Variants in RALYL observed in about 807,000 individuals in gnomAD.
RALYL encodes RNA-binding Raly-like protein.
RALYL carries 29 observed loss-of-function variants against 35.1 expected under a neutral mutation model. The observed-to-expected ratio is 0.83, with a 90% confidence interval of 0.61 to 1.13. The LOEUF is 1.13. Among genes scored for constraint, RALYL ranks in the 50% most tolerant of loss-of-function variants. The probability of loss-of-function intolerance (pLI) is 0.00; values close to 1 mark genes in which losing one functional copy is unlikely to be tolerated. For synonymous variants in RALYL, 120 were observed against 127.6 expected (o/e 0.94, Z 0.40); for missense variants, 359 against 360.4 (o/e 1.00, Z 0.03).
In RALYL at chr8:84,410,726, C is replaced by T. The variant is rs192705028; in HGVS notation, c.-23-118573C>T. Among the ~76,000 whole-genome samples, 273 of 151,594 alleles carry T rather than the reference C, an allele frequency of 1.8e-3. 1 individual carries two copies. Among genetic ancestry groups the T allele is most frequent in the Middle Eastern group, 4.0e-3 (1 of 248 alleles). ...AAATAAAACAAAAAAAGATTTAATACGAAACATTTTCTATGTTTGATAAAG... is the reference window on the plus strand; with the variant it reads ...AAATAAAACAAAAAAAGATTTAATATGAAACATTTTCTATGTTTGATAAAG... On this transcript the variant is annotated intron_variant, in intron 1 of 8. Transcript: ENST00000521268.
At chr8:84,910,873 C>A (rs1847401610) in intron 8 of RALYL, among the ~76,000 whole-genome samples, 1 of 151,578 alleles carries the variant, frequency 6.6e-6, no homozygotes. Context: ...AGATAAGGCC[C>A]AATTATTCTA....
intron 4 of RALYL, among the ~76,000 whole-genome samples, chr8:84,837,158 C>G (rs2134488278): frequency 6.6e-6 from 1 of 152,282 alleles, no homozygotes; most frequent in South Asian, 2.1e-4. Flanking sequence ...ATTCAGTTAT[C>G]AAATTCTGCC....
chr8:84,391,302 C>T (rs7819778), intron 1 of RALYL, among the ~76,000 whole-genome samples: 4,520 of 152,018 alleles, frequency 0.03, 211 homozygotes, highest in African/African-American at 0.1. Context: ...TTTAGAATCC[C>T]TTCTGTTAAC....
At chr8:84,915,633 A>G (rs1304564896) in intron 8 of RALYL, among the ~76,000 whole-genome samples, 2 of 152,090 alleles carry the variant, frequency 1.3e-5, no homozygotes, top group Non-Finnish European at 2.9e-5. Flanking sequence ...GATTACTGTA[A>G]AAGACACTGC....
intron 1 of RALYL, among the ~76,000 whole-genome samples, chr8:84,477,343 C>T (rs894500546): frequency 6.8e-6 from 1 of 147,830 alleles, no homozygotes; most frequent in African/African-American, 2.5e-5. Context: ...GTGTGTGTAT[C>T]CATCTATCTA....
intron 4 of RALYL, among the ~76,000 whole-genome samples, chr8:84,821,494 T>A (rs1417286855): frequency 6.6e-6 from 1 of 152,184 alleles, no homozygotes; most frequent in African/African-American, 2.4e-5. Context: ...AGGAAAATAA[T>A]CATGTATGTA....
At chr8:84,645,061 T>C (rs951918092) in intron 2 of RALYL, among the ~76,000 whole-genome samples, 1 of 152,012 alleles carries the variant, frequency 6.6e-6, no homozygotes, top group African/African-American at 2.4e-5. Flanking sequence ...AGTTTTTCCT[T>C]TGTGTATAGC....
intron 1 of RALYL, among the ~76,000 whole-genome samples, chr8:84,374,140 A>G (rs1456858114): frequency 2.0e-5 from 3 of 152,032 alleles, no homozygotes; most frequent in Admixed American, 1.3e-4. Flanking sequence ...ATATAGGAAC[A>G]TGTCATCTGC....
At chr8:84,417,152 G>T (rs574948033) in intron 1 of RALYL, among the ~76,000 whole-genome samples, 18 of 152,048 alleles carry the variant, frequency 1.2e-4, no homozygotes, top group Non-Finnish European at 2.4e-4. Context: ...ATTTGAGGGG[G>T]TGCTTTGAGA....
chr8:84,859,097 C>T (rs547445230), intron 5 of RALYL, among the ~76,000 whole-genome samples: 279 of 152,214 alleles, frequency 1.8e-3, no homozygotes, highest in Middle Eastern at 0.01. Flanking sequence ...GGGAGCCAAC[C>T]GAGCATAAGG....
At chr8:84,764,742 C>A (rs560976012) in intron 2 of RALYL, among the ~76,000 whole-genome samples, 13 of 152,324 alleles carry the variant, frequency 8.5e-5, no homozygotes, top group Admixed American at 2.0e-4. Context: ...TTAAAATGGT[C>A]ACAATTCAGT....
intron 2 of RALYL, among the ~76,000 whole-genome samples, chr8:84,771,348 C>T (rs1815461345): frequency 6.6e-6 from 1 of 151,982 alleles, no homozygotes; most frequent in Non-Finnish European, 1.5e-5. Context: ...CTTTTCAATT[C>T]CAATGTACTA....
chr8:84,375,927 A>AT (rs1856824792), intron 1 of RALYL, among the ~76,000 whole-genome samples: 1 of 151,888 alleles, frequency 6.6e-6, no homozygotes, highest in Non-Finnish European at 1.5e-5. Context: ...TGTGATTTCC[A>AT]TTTTCTTTCC....
chr8:84,887,713 C>T lies in RALYL; in HGVS notation c.795C>T (p.Ala265=), dbSNP rs377268475. 2.0e-5 allele frequency: 32 copies of T among 1,613,610 alleles called. No homozygotes were observed. The highest frequency in any genetic ancestry group is 3.3e-5 in the Admixed American group (2 of 59,974). The change falls in exon 8 of 9, where the codon GCC becomes GCT. Residue 265 remains alanine (A), a synonymous_variant. Transcript: ENST00000521268. The part of the protein sequence containing the change: ...TEEPAEGGPD[A]DGEEMTDGIE... ...AGCCTGCTGAAGGAGGGCCAGATGC[C>T]GATGGAGAAGAGATGACAGATGGGA...
chr8:84,364,638 T>C (rs1280513981), intron 1 of RALYL, among the ~76,000 whole-genome samples: 1 of 152,180 alleles, frequency 6.6e-6, no homozygotes, highest in Non-Finnish European at 1.5e-5. Context: ...TACTGAATTA[T>C]GTGTGTAAAA....
Position 84,345,696 on chromosome 8 carries a change from C to A in RALYL, c.-24+161272C>A, listed in dbSNP as rs551521656. ...CTTCACGCCCTAATATATAGAAACA[C>A]ATCTCATTCACTTCCCCACTAATGT... On this transcript the variant is annotated intron_variant, in intron 1 of 8. Transcript: ENST00000521268. 1.1e-4 allele frequency among the ~76,000 whole-genome samples: 17 copies of A among 152,142 alleles called. No individual in the cohort carries two copies. The South Asian group carries it at 3.1e-3, about 28-fold the overall frequency.
At chr8:84,743,122 G>T (rs570652769) in intron 2 of RALYL, among the ~76,000 whole-genome samples, 1 of 152,078 alleles carries the variant, frequency 6.6e-6, no homozygotes, top group Admixed American at 6.6e-5. Flanking sequence ...GCTTCTGATA[G>T]CTGTAACACT....
intron 8 of RALYL, among the ~76,000 whole-genome samples, chr8:84,890,058 T>C (rs1843564541): frequency 6.6e-6 from 1 of 152,196 alleles, no homozygotes; most frequent in African/African-American, 2.4e-5. Flanking sequence ...GATAATGCCA[T>C]TTCCTTGCTT....
intron 2 of RALYL, among the ~76,000 whole-genome samples, chr8:84,701,519 A>G (rs577683743): frequency 6.6e-6 from 1 of 152,320 alleles, no homozygotes; most frequent in South Asian, 2.1e-4. Context: ...GAAATTCAAC[A>G]CGTTTTAACT....
Sources: gnomAD v4.1 joint callset for allele counts (sites outside exome capture counted in the v4.1 genomes callset) on GRCh38, gnomAD v4.1.1 for gene constraint, MANE v1.5 for transcripts, NCBI Gene and HGNC (gene_info 2026-07-23, HGNC 2026-07-21) for gene names.